Variants in KANSL1 observed in about 807,000 individuals in gnomAD.
KANSL1 encodes KAT8 regulatory NSL complex subunit 1, also known as MLL1/MLL complex subunit KANSL1.
KANSL1 carries 22 observed loss-of-function variants against 103.6 expected under a neutral mutation model. The ratio of observed to expected loss-of-function variants is 0.21; its 90% CI spans 0.15 to 0.30. The LOEUF is 0.30. KANSL1 is among the 10% of genes least tolerant of loss of function. The pLI, the probability that KANSL1 is intolerant of heterozygous loss-of-function variation, is 1.00. For missense variants in KANSL1, 1,337 were observed against 1,399.8 expected (o/e 0.96, Z 0.72); for synonymous variants, 600 against 527.6 (o/e 1.14, Z -1.88).
chr17:46,139,440 A>G (rs540674339), intron 2 of KANSL1, among the ~76,000 whole-genome samples: 20 of 152,168 alleles, frequency 1.3e-4, no homozygotes, highest in Non-Finnish European at 2.5e-4. Flanking sequence ...TCTAACATCA[A>G]TTTCTCCACC....
chr17:46,152,594 G>GGGA (rs148676884), intron 2 of KANSL1, among the ~76,000 whole-genome samples: 579 of 135,460 alleles, frequency 4.3e-3, no homozygotes, highest in Middle Eastern at 7.5e-3. Flanking sequence ...GGGGGGGGGG[G>GGGA]ATTTCAGAGA....
intron 2 of KANSL1, among the ~76,000 whole-genome samples, chr17:46,139,860 AAAG>A (rs2044333602): frequency 6.6e-6 from 1 of 152,130 alleles, no homozygotes; most frequent in Non-Finnish European, 1.5e-5. Context: ...AAAGAAAAGA[AAAG>A]AAAAAGGAGA....
rs138519527 is a variant in KANSL1, at chr17:46,123,441, T to C, written c.1290-28740A>G. On this transcript the variant is annotated intron_variant, in intron 2 of 14. Transcript: ENST00000432791. ...TGATTAAGCTTCTGAGAAAGGTATGTTGAAAGCCAACATAGGCTGAAAGTA... is the reference window on the plus strand; with the variant it reads ...TGATTAAGCTTCTGAGAAAGGTATGCTGAAAGCCAACATAGGCTGAAAGTA... Among the ~76,000 whole-genome samples the C allele has an allele frequency of 1.8e-3, 278 of 152,344 alleles. 2 individuals are homozygous for C. Among genetic ancestry groups the C allele is most frequent in the African/African-American group, 6.2e-3 (257 of 41,568 alleles).
At chr17:46,108,205 G>C (rs1191554806) in intron 2 of KANSL1, among the ~76,000 whole-genome samples, 4 of 152,134 alleles carry the variant, frequency 2.6e-5, no homozygotes, top group Non-Finnish European at 5.9e-5. Context: ...GCCTCAAACA[G>C]AGAGCCTCTA....
At chr17:46,074,379 G>A (rs934259223) in intron 4 of KANSL1, among the ~76,000 whole-genome samples, 6 of 151,958 alleles carry the variant, frequency 3.9e-5, no homozygotes, top group Admixed American at 3.9e-4. Context: ...AATAAATGAG[G>A]GGGGAAGACA....
chr17:46,053,000 A>C (rs2077777406), intron 6 of KANSL1, among the ~76,000 whole-genome samples: 1 of 123,974 alleles, frequency 8.1e-6, no homozygotes, highest in Admixed American at 9.7e-5. Flanking sequence ...AAAAAAAAAA[A>C]AAAAAGGCTG....
intron 2 of KANSL1, among the ~76,000 whole-genome samples, chr17:46,169,075 A>G (rs1011598766): frequency 7.9e-5 from 12 of 152,262 alleles, no homozygotes; most frequent in African/African-American, 1.7e-4. Flanking sequence ...GTTACTCAAA[A>G]TAAGTGCATG....
intron 7 of KANSL1, among the ~76,000 whole-genome samples, chr17:46,046,619 C>T (rs996821778): frequency 1.4e-5 from 2 of 146,596 alleles, no homozygotes; most frequent in Admixed American, 7.0e-5. Context: ...GGGTGGATCA[C>T]GAGGTCAGGA....
At chr17:46,088,985 A>C (rs894996718) in intron 3 of KANSL1, among the ~76,000 whole-genome samples, 4 of 149,222 alleles carry the variant, frequency 2.7e-5, no homozygotes, top group Non-Finnish European at 6.1e-5. Flanking sequence ...ACACAACAGC[A>C]AAGTATGTTA....
intron 6 of KANSL1, among the ~76,000 whole-genome samples, chr17:46,051,033 T>G (rs2077694663): frequency 6.6e-6 from 1 of 152,232 alleles, no homozygotes; most frequent in Non-Finnish European, 1.5e-5. Context: ...CTGAGAACAC[T>G]TTATAAACTC....
intron 6 of KANSL1, among the ~76,000 whole-genome samples, chr17:46,062,984 A>G (rs1218081648): frequency 6.6e-6 from 1 of 152,152 alleles, no homozygotes; most frequent in African/African-American, 2.4e-5. Context: ...CGGGAGGAGG[A>G]GGTTGCAGTG....
chr17:46,168,707 C>G (rs1382299298), intron 2 of KANSL1, among the ~76,000 whole-genome samples: 1 of 152,180 alleles, frequency 6.6e-6, no homozygotes, highest in African/African-American at 2.4e-5. Flanking sequence ...TTTCAGTACC[C>G]AAATATGATC....
intron 3 of KANSL1, among the ~76,000 whole-genome samples, chr17:46,086,641 T>C (rs187237897): frequency 1.2e-4 from 18 of 152,146 alleles, no homozygotes; most frequent in Non-Finnish European, 2.4e-4. Context: ...AAATATAGGA[T>C]AGTGAGGGGA....
At chr17:46,156,426 T>G (rs2045431587) in intron 2 of KANSL1, among the ~76,000 whole-genome samples, 1 of 152,308 alleles carries the variant, frequency 6.6e-6, no homozygotes, top group South Asian at 2.1e-4. Flanking sequence ...ACTCCTGCAC[T>G]GGAATGTAAA....
At chr17:46,193,523 C>A (rs1273947401), upstream of KANSL1, 1 of 147,824 alleles carries the variant, frequency 6.8e-6, no homozygotes, top group African/African-American at 2.4e-5. Context: ...AAGGGCCGCT[C>A]CACCCCGGCG....
Position 46,095,126 on chromosome 17 carries a change from T to C in KANSL1, c.1290-425A>G, listed in dbSNP as rs574142180. ...ATTTAAAAACTAATAAAGTAGAAAA[T>C]ATCATTAAGTACCATTCATAACACC... On this transcript the variant is annotated intron_variant, in intron 2 of 14. Transcript: ENST00000432791. 1.1e-4 allele frequency among the ~76,000 whole-genome samples: 16 copies of C among 147,352 alleles called. No individual in the cohort carries two copies. The East Asian group carries it at 3.1e-3, about 28-fold the overall frequency.
rs1238074280 is a variant in KANSL1, at chr17:46,171,072, C to T, written c.1072G>A (p.Ala358Thr). 6 of 1,614,062 alleles carry T rather than the reference C, an allele frequency of 3.7e-6. No homozygotes were observed. The highest frequency in any genetic ancestry group is 2.2e-5 in the East Asian group (1 of 44,882). The change falls in exon 2 of 15, where the codon GCC becomes ACC. Residue 358 changes from alanine (A) to threonine (T), a missense_variant. Physicochemically the swap from Ala to Thr is moderately conservative, Grantham distance 58. Coordinates refer to ENST00000432791, the MANE Select transcript of KANSL1 (RefSeq NM_015443.4). ...CCCTCTGAAGTGGTGGTCTCACTGG[C>T]AGCTTTTCTCAAGGCAGCTTCAGCC... ...RKAEAALRKA[A>T]SETTTSEGLS... is the part of the protein sequence containing the mutation.
At chr17:46,121,629 T>G (rs2043284664) in intron 2 of KANSL1, among the ~76,000 whole-genome samples, 1 of 152,204 alleles carries the variant, frequency 6.6e-6, no homozygotes, top group African/African-American at 2.4e-5. Context: ...TAGCATTTGC[T>G]GCAACCAAAT....
At chr17:46,154,170 G>C (rs114997848) in intron 2 of KANSL1, among the ~76,000 whole-genome samples, 2 of 152,182 alleles carry the variant, frequency 1.3e-5, no homozygotes, top group South Asian at 2.1e-4. Context: ...GCACTGGTTC[G>C]CACACCTCTC....
Sources: gnomAD v4.1 joint callset for allele counts (sites outside exome capture counted in the v4.1 genomes callset) on GRCh38, gnomAD v4.1.1 for gene constraint, MANE v1.5 for transcripts, NCBI Gene and HGNC (gene_info 2026-07-23, HGNC 2026-07-21) for gene names.